Variants in PBRM1 observed in about 807,000 individuals in gnomAD.
The protein encoded by PBRM1 is protein polybromo-1.
PBRM1 carries 27 observed loss-of-function variants against 194.5 expected under a neutral mutation model. The ratio of observed to expected loss-of-function variants is 0.14; its 90% CI spans 0.10 to 0.19. PBRM1 has a LOEUF of 0.19. Ranked by LOEUF, PBRM1 falls within the 10% of genes least tolerant of loss-of-function variation. The pLI, the probability that PBRM1 is intolerant of heterozygous loss-of-function variation, is 1.00. For missense variants in PBRM1, 1,466 were observed against 2,077.2 expected, an observed-to-expected ratio of 0.71 and a Z score of 5.72; for synonymous variants, 655 against 693.2, an observed-to-expected ratio of 0.94 and a Z score of 0.87.
At chr3:52,587,082 C>T (rs1279323307) in intron 19 of PBRM1, among the ~76,000 whole-genome samples, 1 of 151,918 alleles carries the variant, frequency 6.6e-6, no homozygotes, top group Non-Finnish European at 1.5e-5. Flanking sequence ...AATGATTATC[C>T]TTAAAAAAAC....
chr3:52,658,342 T>C (rs1338663538), intron 4 of PBRM1, 27 bp from the exon 6 acceptor site: 1 of 1,232,630 alleles, frequency 8.1e-7, no homozygotes, highest in African/African-American at 1.5e-5. Context: ...AAAAGTACTT[T>C]CTAAGAGAAA....
intron 20 of PBRM1, among the ~76,000 whole-genome samples, chr3:52,582,408 ATTC>A (rs1204544722): frequency 1.4e-5 from 2 of 139,220 alleles, no homozygotes; most frequent in Admixed American, 1.6e-4. Flanking sequence ...TCCATTGATA[ATTC>A]TTTTTTTTTT....
downstream of PBRM1, chr3:52,547,485 C>T (rs569119708): frequency 2.7e-4 from 62 of 233,590 alleles, 1 homozygote; most frequent in African/African-American, 1.3e-3. Context: ...ACCTAAATAA[C>T]CACCTTTCAA....
chr3:52,630,772 G>C (rs1010389205), intron 11 of PBRM1, among the ~76,000 whole-genome samples: 7 of 152,202 alleles, frequency 4.6e-5, no homozygotes, highest in African/African-American at 1.7e-4. Flanking sequence ...AAATTAGAAA[G>C]GGGAGGGGAG....
chr3:52,633,776 T>G (rs1300437534), intron 11 of PBRM1, among the ~76,000 whole-genome samples: 1 of 152,208 alleles, frequency 6.6e-6, no homozygotes, highest in East Asian at 1.9e-4. Context: ...TGAGCACCTT[T>G]TCATGTGCTT....
intron 17 of PBRM1, among the ~76,000 whole-genome samples, chr3:52,593,970 C>T (rs751091248): frequency 5.3e-5 from 8 of 152,092 alleles, no homozygotes; most frequent in South Asian, 4.1e-4. Context: ...TGTTCAGGTC[C>T]GGAATATCAT....
chr3:52,572,794 T>A (rs1285214100), intron 22 of PBRM1, among the ~76,000 whole-genome samples: 1 of 152,166 alleles, frequency 6.6e-6, no homozygotes, highest in Non-Finnish European at 1.5e-5. Context: ...ATGATACACC[T>A]CATCTAATTA....
downstream of PBRM1, chr3:52,545,933 AAAC>A (rs2079624884): frequency 4.3e-6 from 1 of 232,990 alleles, no homozygotes; most frequent in Non-Finnish European, 8.5e-6. Flanking sequence ...ATATACAGAA[AAAC>A]ATGATTCTAA....
At position 52,668,213 on chromosome 3, in the gene PBRM1, C is replaced by T. The variant is rs191044612; in HGVS notation, c.384+285G>A. Among the ~76,000 whole-genome samples, 12 of 152,310 alleles carry T rather than the reference C, an allele frequency of 7.9e-5. No individual in the cohort carries two copies. The East Asian group carries it at 1.7e-3, about 22-fold the overall frequency. ...TCAGAAGGGTGAGGTGGGAGGATTG[C>T]TTGAACCTGGGAGGCGGAGGCTGCC... On this transcript the variant is annotated intron_variant, in intron 3 of 29. Coordinates refer to ENST00000296302, the Ensembl canonical transcript of PBRM1.
downstream of PBRM1, chr3:52,547,983 T>A: frequency 8.1e-7 from 1 of 1,227,192 alleles, no homozygotes; most frequent in East Asian, 2.5e-5. Context: ...CTTTGTTCCT[T>A]CCCCCCACCC....
At chr3:52,554,598 T>A in intron 27 of PBRM1, 126 bp downstream of exon 29, 1 of 749,242 alleles carries the variant, frequency 1.3e-6, no homozygotes, top group Non-Finnish European at 2.1e-6. Flanking sequence ...CTGACAACCT[T>A]TGGATTCTCA....
intron 2 of PBRM1, among the ~76,000 whole-genome samples, chr3:52,673,674 A>G: frequency 7.6e-6 from 1 of 131,970 alleles, no homozygotes; most frequent in Admixed American, 7.2e-5. Flanking sequence ...TCCATCTCAA[A>G]AAAAAAAAAA....
At chr3:52,667,608 C>A (rs987564722) in intron 3 of PBRM1, among the ~76,000 whole-genome samples, 2 of 151,628 alleles carry the variant, frequency 1.3e-5, no homozygotes, top group African/African-American at 4.8e-5. Context: ...CAAAAATTAG[C>A]CAGGCATGGT....
chr3:52,572,096 A>C (rs2087559386), intron 22 of PBRM1, among the ~76,000 whole-genome samples: 1 of 150,566 alleles, frequency 6.6e-6, no homozygotes, highest in Non-Finnish European at 1.5e-5. Context: ...TTATCTGAAT[A>C]TCTCTTGGAT....
chr3:52,590,919 T>C (rs1299172005), intron 17 of PBRM1, among the ~76,000 whole-genome samples: 1 of 152,242 alleles, frequency 6.6e-6, no homozygotes, highest in African/African-American at 2.4e-5. Flanking sequence ...CCCATTTGCA[T>C]CTGTCATCTC....
intron 1 of PBRM1, 146 bp from the exon 3 acceptor site, chr3:52,678,743 GA>G: frequency 3.5e-6 from 2 of 576,858 alleles, no homozygotes; most frequent in South Asian, 2.3e-5. Context: ...GCTAAAGTCT[GA>G]AATATGCTGA....
At position 52,561,971 on chromosome 3, in the gene PBRM1, G is replaced by A; in HGVS notation, c.4087-3C>T. The A allele has an allele frequency of 6.2e-7, 1 of 1,611,410 alleles. No homozygotes were observed. Among genetic ancestry groups the A allele is most frequent in the Non-Finnish European group, 8.5e-7 (1 of 1,177,570 alleles). Reference sequence around the variant, plus strand: ...CCTTTGGCAGACTTTGGGGTAGACTGTAAGACAGAAAGGTCTTATGGTGCA... The same window carrying A: ...CCTTTGGCAGACTTTGGGGTAGACTATAAGACAGAAAGGTCTTATGGTGCA... On this transcript the variant is annotated splice_region_variant and splice_polypyrimidine_tract_variant and intron_variant, in intron 24 of 29. Coordinates refer to ENST00000296302, the Ensembl canonical transcript of PBRM1.
intron 8 of PBRM1, among the ~76,000 whole-genome samples, chr3:52,643,707 C>G (rs952021473): frequency 6.6e-6 from 1 of 152,208 alleles, no homozygotes. Flanking sequence ...CGCAGTGGCT[C>G]ACGCCTGTAA....
chr3:52,641,891 A>G, intron 10 of PBRM1, 63 bp downstream of exon 11: 1 of 989,536 alleles, frequency 1.0e-6, no homozygotes, highest in South Asian at 1.3e-5. Context: ...AAATCACTGC[A>G]ATTTCATTTA....
Sources: gnomAD v4.1 joint callset for allele counts (sites outside exome capture counted in the v4.1 genomes callset) on GRCh38, gnomAD v4.1.1 for gene constraint, MANE v1.5 for transcripts, NCBI Gene and HGNC (gene_info 2026-07-23, HGNC 2026-07-21) for gene names.